SREBF1: variants seen among roughly 807,000 people sequenced by gnomAD.
SREBF1 encodes sterol regulatory element binding transcription factor 1, also known as sterol regulatory element-binding protein 1.
In SREBF1, 45 loss-of-function variants were observed where a neutral mutation model predicts 100.1. The ratio of observed to expected loss-of-function variants is 0.45; its 90% confidence interval spans 0.35 to 0.58. SREBF1 has a LOEUF of 0.58. Among genes scored for constraint, SREBF1 ranks in the 20% least tolerant of loss-of-function variants. The pLI, the probability that SREBF1 is intolerant of heterozygous loss-of-function variation, is 0.00. For synonymous variants in SREBF1, 657 were observed against 681.8 expected, an observed-to-expected ratio of 0.96 and a Z score of 0.57; for missense variants, 1,324 against 1,539.4, an observed-to-expected ratio of 0.86 and a Z score of 2.34.
rs762494350 is a variant in SREBF1, at chr17:17,818,286, CTT to C, written c.1155_1156del (p.Leu387AlafsTer33). The C allele has an allele frequency of 1.2e-6, 2 of 1,614,006 alleles. No homozygotes were observed. The highest frequency in any genetic ancestry group is 1.1e-5 in the South Asian group (1 of 91,080). ...GCTTTTGTGGACAGCAGTGCGCAGA[CTT>C]AGGTTCTCCTGCTTGAGTTTCTGGT... On this transcript the variant is annotated frameshift_variant, in exon 6 of 19. Coordinates refer to ENST00000261646, the MANE Select transcript of SREBF1 (RefSeq NM_004176.5). LOFTEE classifies it high-confidence loss of function.
Position 17,813,776 on chromosome 17 carries a change from G to T in SREBF1, c.2902-7C>A, listed in dbSNP as rs1315433147. ...ACAGGAACAGCTGCACGGCCTGGGG[G>T]TGGCAGGCAGGGCAGGGGTCACCAG... is the stretch of plus-strand genomic sequence containing the variant. On this transcript the variant is annotated splice_polypyrimidine_tract_variant and splice_region_variant and intron_variant, in intron 16 of 18. Transcript: ENST00000261646. 1.3e-6 allele frequency: 2 copies of T among 1,535,286 alleles called. No individual in the cohort carries two copies. Among genetic ancestry groups the T allele is most frequent in the Non-Finnish European group, 8.7e-7 (1 of 1,146,530 alleles).
intron 1 of SREBF1, among the ~76,000 whole-genome samples, chr17:17,836,312 G>A (rs1291765738): frequency 2.6e-5 from 4 of 152,254 alleles, no homozygotes; most frequent in South Asian, 4.1e-4. Flanking sequence ...CTCTCGGGCC[G>A]GAGGGAATGA....
At position 17,816,238 on chromosome 17, in the gene SREBF1, G is replaced by C. The variant is rs1567963015; in HGVS notation, c.2183C>G (p.Thr728Ser). Reference sequence around the variant, plus strand: ...AAAATGCAAGGCCCGTGGGAGACTGGTCTTCACTCTCAATGCAGCCGCCAC... The same window carrying C: ...AAAATGCAAGGCCCGTGGGAGACTGCTCTTCACTCTCAATGCAGCCGCCAC... ...IYVAAALRVK[T>S]SLPRALHFLT... Residue 728 changes from threonine (T) to serine (S), a missense_variant, in exon 11 of 19, where the codon ACC (threonine) becomes AGC (serine). Transcript: ENST00000261646. The C allele has an allele frequency of 1.3e-6, 2 of 1,497,730 alleles. No homozygotes were observed. 92.8% of individuals were successfully genotyped at this position (1,497,730 alleles called of 1,614,324 possible).
At position 17,824,696 on chromosome 17, in the gene SREBF1, T is replaced by C. The variant is rs2034370651; in HGVS notation, c.92-4175A>G. On this transcript the variant is annotated intron_variant, in intron 1 of 18. Coordinates refer to ENST00000261646, the MANE Select transcript of SREBF1 (RefSeq NM_004176.5). The surrounding 1 kb of genome is among the most constrained non-coding windows in gnomAD (Gnocchi z 4.2). Reference sequence around the variant, plus strand: ...GCCCCAAACTGCAGGCCAGCGCCTCTGCCTGGTCCACACCCCAGTTGGCTG... The same window carrying C: ...GCCCCAAACTGCAGGCCAGCGCCTCCGCCTGGTCCACACCCCAGTTGGCTG... 6.6e-6 allele frequency among the ~76,000 whole-genome samples: 1 copy of C among 152,228 alleles called. No individual in the cohort carries two copies. The highest frequency in any genetic ancestry group is 2.4e-5 in the African/African-American group (1 of 41,462).
intron 18 of SREBF1, 197 bp from the exon 19 acceptor site, chr17:17,813,048 G>A (rs1040757545): frequency 4.9e-6 from 3 of 607,522 alleles, no homozygotes; most frequent in Admixed American, 2.9e-5. Flanking sequence ...CGCACGTGCA[G>A]TCATGTATCC....
chr17:17,819,862 G>T, intron 2 of SREBF1, 137 bp from the exon 3 acceptor site: 1 of 1,293,082 alleles, frequency 7.7e-7, no homozygotes, highest in Non-Finnish European at 1.0e-6. Flanking sequence ...CCCTGCCTGG[G>T]CTCTGATGCA....
chr17:17,815,757 G>T, intron 12 of SREBF1, 103 bp downstream of exon 12: 1 of 1,271,340 alleles, frequency 7.9e-7, no homozygotes, highest in East Asian at 2.5e-5. Flanking sequence ...GCAGGGAGAA[G>T]GACTGGGGTG....
intron 1 of SREBF1, among the ~76,000 whole-genome samples, chr17:17,825,639 G>A (rs557473047): frequency 7.0e-5 from 10 of 143,724 alleles, no homozygotes; most frequent in Non-Finnish European, 1.4e-4. Context: ...ACAGAGTCTG[G>A]CTCTGTCACC....
chr17:17,821,598 C>T (rs2034107519), intron 1 of SREBF1, among the ~76,000 whole-genome samples: 2 of 152,330 alleles, frequency 1.3e-5, no homozygotes, highest in East Asian at 1.9e-4. Context: ...TGATTTTCCC[C>T]TCCCCTCAGT....
At chr17:17,826,813 G>A (rs2034518441) in intron 1 of SREBF1, among the ~76,000 whole-genome samples, 1 of 152,196 alleles carries the variant, frequency 6.6e-6, no homozygotes, top group Non-Finnish European at 1.5e-5. Flanking sequence ...GGGAAATCCT[G>A]GGCAGGCCTC....
rs144041794 is a variant in SREBF1 at position 17,819,571 on chromosome 17, C to T, written c.678G>A (p.Thr226=). Residue 226 remains threonine, a synonymous_variant, in exon 3 of 19, where the codon ACG becomes ACA. Coordinates refer to ENST00000261646, the MANE Select transcript of SREBF1 (RefSeq NM_004176.5). ...GCTGGATCTGCGAGGTCACAGTGGT[C>T]GTTACAGGGGCTGCCGTGGGGGCAG... ...VTAAPTAAPV[T]TTVTSQIQQV... 359 of 1,613,660 alleles carry T rather than the reference C, an allele frequency of 2.2e-4. No homozygotes were observed. Among genetic ancestry groups the T allele is most frequent in the Non-Finnish European group, 2.8e-4 (328 of 1,179,972 alleles).
In SREBF1 at chr17:17,814,862, T is replaced by A; in HGVS notation, c.2575A>T (p.Ile859Phe). 6.3e-7 allele frequency: 1 copy of A among 1,592,920 alleles called. No homozygotes were observed. Among genetic ancestry groups the A allele is most frequent in the Non-Finnish European group, 8.5e-7 (1 of 1,170,550 alleles). The change falls in exon 14 of 19, where the codon ATC (isoleucine) becomes TTC (phenylalanine). Residue 859 changes from isoleucine to phenylalanine, a missense_variant. Ile to Phe is a conservative substitution (Grantham distance 21). Transcript: ENST00000261646. ...AAGAPAYSFSISSSMATTTGV... is the reference protein window; with the variant it reads ...AAGAPAYSFSFSSSMATTTGV... ...GTGGTGGTGGCCATGCTGGAACTGA[T>A]GGAGAAGCTGTAGGCAGGAGCCCCC...
At chr17:17,825,085 G>A (rs1234583274) in intron 1 of SREBF1, among the ~76,000 whole-genome samples, 1 of 152,136 alleles carries the variant, frequency 6.6e-6, no homozygotes, top group Non-Finnish European at 1.5e-5. Flanking sequence ...TGAACTCCAG[G>A]CATGAGTTCC....
intron 13 of SREBF1, 89 bp from the exon 14 acceptor site, chr17:17,815,033 C>T: frequency 1.5e-6 from 2 of 1,344,918 alleles, no homozygotes; most frequent in Non-Finnish European, 2.1e-6. Flanking sequence ...CAGCCTGGCC[C>T]CTGGCTCTGC....
chr17:17,815,765 G>A (rs1323188516), intron 12 of SREBF1, 95 bp downstream of exon 12: 31 of 1,340,368 alleles, frequency 2.3e-5, no homozygotes, highest in Non-Finnish European at 2.9e-5. Context: ...AAGGACTGGG[G>A]TGGCCAGAGA....
intron 17 of SREBF1, 34 bp from the exon 18 acceptor site, chr17:17,813,513 C>T: frequency 6.3e-7 from 1 of 1,588,730 alleles, no homozygotes; most frequent in Middle Eastern, 1.7e-4. Flanking sequence ...TCAGGGCTCT[C>T]CATCTCCACC....
In SREBF1 at chr17:17,824,184, AAGGGCTGCCG is replaced by A. The variant is rs1231792528; in HGVS notation, c.92-3673_92-3664del. 2.0e-5 allele frequency among the ~76,000 whole-genome samples: 3 copies of A among 152,242 alleles called. No homozygotes were observed. Among genetic ancestry groups the A allele is most frequent in the Admixed American group, 6.5e-5 (1 of 15,288 alleles). The stretch of plus-strand genomic sequence containing the variant: ...ACGCAAGAAGCGTTTAATTAAGGCC[AAGGGCTGCCG>A]AGTGGCAGCTGCGGTGGGTGCAGGG... On this transcript the variant is annotated intron_variant, in intron 1 of 18. Coordinates refer to ENST00000261646, the MANE Select transcript of SREBF1 (RefSeq NM_004176.5). The surrounding 1 kb of genome is among the most constrained non-coding windows in gnomAD (Gnocchi z 4.2).
chr17:17,833,463 A>G (rs1325038530), intron 1 of SREBF1, among the ~76,000 whole-genome samples: 4 of 134,884 alleles, frequency 3.0e-5, no homozygotes, highest in Non-Finnish European at 6.2e-5. Flanking sequence ...ATATATATAT[A>G]TATATATATA....
At chr17:17,835,866 T>C (rs898555591) in intron 1 of SREBF1, among the ~76,000 whole-genome samples, 7 of 152,222 alleles carry the variant, frequency 4.6e-5, no homozygotes, top group Non-Finnish European at 1.0e-4. Flanking sequence ...TCCTCCTCCC[T>C]GACCTCACTC....
Sources: allele counts gnomAD v4.1 joint callset (sites outside exome capture counted in the v4.1 genomes callset), GRCh38; gene constraint gnomAD v4.1.1; non-coding constraint Gnocchi (gnomAD v3.1); transcripts MANE v1.5; gene names NCBI Gene and HGNC (gene_info 2026-07-23, HGNC 2026-07-21).